Variants in RSPRY1 observed in about 807,000 individuals in gnomAD.
RSPRY1 encodes RING finger and SPRY domain-containing protein 1.
RSPRY1 carries 23 observed loss-of-function variants against 73.1 expected under a neutral mutation model. The observed-to-expected ratio is 0.31, with a 90% CI of 0.23 to 0.45. The LOEUF (loss-of-function observed/expected upper bound fraction) is 0.45. RSPRY1 is among the 20% of genes least tolerant of loss of function. The probability of loss-of-function intolerance (pLI) is 1.00; values close to 1 mark genes in which losing one functional copy is unlikely to be tolerated. For synonymous variants in RSPRY1, 226 were observed against 251.4 expected (o/e 0.90, Z 0.95); for missense variants, 448 against 698.7 (o/e 0.64, Z 4.05).
At chr16:57,237,846 G>A (rs1323953431) in intron 14 of RSPRY1, among the ~76,000 whole-genome samples, 1 of 151,856 alleles carries the variant, frequency 6.6e-6, no homozygotes, top group East Asian at 1.9e-4. Context: ...CCAAGTAGCT[G>A]GGATTACCAG....
Position 57,234,637 on chromosome 16 carries a change from C to A in RSPRY1, c.1530-487C>A, listed in dbSNP as rs142773510. On this transcript the variant is annotated intron_variant, in intron 13 of 14. Transcript: ENST00000394420. ...TTTGCCTGTCTGCTTCCATTCCATG[C>A]TGAGTGAAAGTATAATGGAAGGGTT... 1.6e-3 allele frequency among the ~76,000 whole-genome samples: 248 copies of A among 152,292 alleles called. 2 individuals carry two copies. Among genetic ancestry groups the A allele is most frequent in the African/African-American group, 5.4e-3 (223 of 41,552 alleles).
At position 57,220,736 on chromosome 16, in the gene RSPRY1, A is replaced by G; in HGVS notation, c.906A>G (p.Leu302=). Residue 302 remains leucine (L), a synonymous_variant, in exon 9 of 15, where the codon TTA becomes TTG. Coordinates refer to ENST00000394420, the MANE Select transcript of RSPRY1 (RefSeq NM_133368.3). ...TGAACACTCTTTCTTTTGCAGTTTT[A>G]AAAGAAGGTAGACAGCTGACCTATG... ...CAQWSLDNLF[L]KEGRQLTYEK... is the part of the protein sequence containing the mutation. 6.2e-7 allele frequency: 1 copy of G among 1,607,886 alleles called. No individual in the cohort carries two copies. Among genetic ancestry groups the G allele is most frequent in the Non-Finnish European group, 8.5e-7 (1 of 1,174,468 alleles).
At position 57,217,054 on chromosome 16, in the gene RSPRY1, T is replaced by A; in HGVS notation, c.901+19T>A. 6.2e-7 allele frequency: 1 copy of A among 1,613,846 alleles called. No homozygotes were observed. The highest frequency in any genetic ancestry group is 8.5e-7 in the Non-Finnish European group (1 of 1,179,814). On this transcript the variant is annotated intron_variant, in intron 8 of 14. Coordinates refer to ENST00000394420, the MANE Select transcript of RSPRY1 (RefSeq NM_133368.3). ...AATCTCTGTAAGTGGGAGTTGTCCT[T>A]TATTAAAATGTCCGTTTCCATTTCC... is the stretch of plus-strand genomic sequence containing the variant.
chr16:57,186,863 A>T (rs1278366930), intron 1 of RSPRY1: 1 of 152,122 alleles, frequency 6.6e-6, no homozygotes, highest in African/African-American at 2.4e-5. Flanking sequence ...TGCCCGGGAT[A>T]GAAAGGGTAG....
At chr16:57,213,829 C>A in intron 5 of RSPRY1, 59 bp from the exon 6 acceptor site, 2 of 1,187,252 alleles carry the variant, frequency 1.7e-6, no homozygotes, top group Non-Finnish European at 2.5e-6. Context: ...TGATTGTTAC[C>A]AGTGATTTAA....
chr16:57,187,241 C>G (rs2074236809), intron 1 of RSPRY1, among the ~76,000 whole-genome samples: 1 of 152,092 alleles, frequency 6.6e-6, no homozygotes, highest in Non-Finnish European at 1.5e-5. Context: ...TGGGGAGAGT[C>G]TATCCCACCA....
chr16:57,192,674 C>G (rs1462667375), intron 1 of RSPRY1, among the ~76,000 whole-genome samples: 1 of 149,542 alleles, frequency 6.7e-6, no homozygotes, highest in Non-Finnish European at 1.5e-5. Context: ...TAAAAAAGCT[C>G]TCAACTTTTT....
chr16:57,210,541 A>G (rs1247437677), intron 4 of RSPRY1, among the ~76,000 whole-genome samples: 1 of 151,810 alleles, frequency 6.6e-6, no homozygotes, highest in Non-Finnish European at 1.5e-5. Flanking sequence ...CGTCTCTACT[A>G]AAATACCCCG....
chr16:57,187,216 A>G (rs1367828663), intron 1 of RSPRY1, among the ~76,000 whole-genome samples: 1 of 152,134 alleles, frequency 6.6e-6, no homozygotes, highest in Non-Finnish European at 1.5e-5. Context: ...TTCCGGGCTT[A>G]TTGCCCGAGT....
At position 57,205,322 on chromosome 16, in the gene RSPRY1, T is replaced by G. The variant is rs1597878870; in HGVS notation, c.350+314T>G. 9.9e-6 allele frequency: 3 copies of G among 303,884 alleles called. No individual in the cohort carries two copies. The East Asian group carries it at 2.1e-4, about 21-fold the overall frequency. 18.8% of individuals were successfully genotyped at this position (303,884 alleles called of 1,614,324 possible). A position where few individuals can be genotyped will look rare whatever the true frequency, so the allele number is the denominator to read the frequency against. On this transcript the variant is annotated intron_variant, in intron 2 of 14. Transcript: ENST00000394420. ...GTTGCTAGCTACAATAGGAAATGGTTTCATGAAGGCTCACTGTTAATGGTA... is the reference window on the plus strand; with the variant it reads ...GTTGCTAGCTACAATAGGAAATGGTGTCATGAAGGCTCACTGTTAATGGTA...
chr16:57,201,791 C>T (rs1224095750), intron 1 of RSPRY1, among the ~76,000 whole-genome samples: 2 of 152,212 alleles, frequency 1.3e-5, no homozygotes, highest in African/African-American at 4.8e-5. Context: ...ACCCCGTCTC[C>T]ACCAAAAAAA....
intron 1 of RSPRY1, among the ~76,000 whole-genome samples, chr16:57,201,174 A>G (rs1212706606): frequency 2.6e-4 from 36 of 139,812 alleles, no homozygotes; most frequent in African/African-American, 2.2e-4. Context: ...TGTGGCTGCC[A>G]GGTGGAGGGG....
chr16:57,197,476 C>A (rs114027873), intron 1 of RSPRY1, among the ~76,000 whole-genome samples: 1 of 151,876 alleles, frequency 6.6e-6, no homozygotes, highest in Non-Finnish European at 1.5e-5. Flanking sequence ...CTTCTTTACA[C>A]TTGGTTTTCA....
intron 10 of RSPRY1, among the ~76,000 whole-genome samples, 185 bp downstream of exon 10, chr16:57,221,600 G>C (rs2075037275): frequency 6.6e-6 from 1 of 152,200 alleles, no homozygotes; most frequent in Non-Finnish European, 1.5e-5. Flanking sequence ...GAAAACAAGT[G>C]AAATTGCCCC....
intron 3 of RSPRY1, 26 bp downstream of exon 3, chr16:57,208,136 T>C (rs771619618): frequency 1.5e-6 from 2 of 1,356,186 alleles, no homozygotes; most frequent in Non-Finnish European, 2.1e-6. Flanking sequence ...TTTTCATTAC[T>C]TTATAATGAA....
upstream of RSPRY1, chr16:57,186,227 T>C: frequency 1.0e-6 from 1 of 957,646 alleles, no homozygotes; most frequent in Non-Finnish European, 1.2e-6. Context: ...GTGACACGAT[T>C]TTTGAAAGGT....
At chr16:57,202,198 T>C (rs570161558) in intron 1 of RSPRY1, among the ~76,000 whole-genome samples, 1 of 144,166 alleles carries the variant, frequency 6.9e-6, no homozygotes, top group East Asian at 2.1e-4. Context: ...AGGGAAACTA[T>C]GAACACCAAA....
chr16:57,204,994 G>A lies in RSPRY1; in HGVS notation c.336G>A (p.Arg112=), dbSNP rs750238834. ...GLVLDTLAVI[R]TLVDNDQEPP... is the part of the protein sequence containing the mutation. ...TGTTGGACACACTGGCAGTAATACGGACTCTTGTAGATAAGTAAGTATCTG... is the reference window on the plus strand; with the variant it reads ...TGTTGGACACACTGGCAGTAATACGAACTCTTGTAGATAAGTAAGTATCTG... The change falls in exon 2 of 15, where the codon CGG becomes CGA. Residue 112 remains arginine (R), a synonymous_variant. Transcript: ENST00000394420. The A allele has an allele frequency of 6.2e-7, 1 of 1,612,614 alleles. No homozygotes were observed. The highest frequency in any genetic ancestry group is 1.3e-5 in the African/African-American group (1 of 74,880).
intron 7 of RSPRY1, 57 bp from the exon 8 acceptor site, chr16:57,216,847 T>C: frequency 6.5e-7 from 1 of 1,546,454 alleles, no homozygotes; most frequent in Non-Finnish European, 8.9e-7. Context: ...ACTAATTTGC[T>C]GAGCAAATCA....
Sources: allele counts gnomAD v4.1 joint callset (sites outside exome capture counted in the v4.1 genomes callset), GRCh38; gene constraint gnomAD v4.1.1; transcripts MANE v1.5; gene names NCBI Gene and HGNC (gene_info 2026-07-23, HGNC 2026-07-21).